RAD54L2: variants seen among roughly 807,000 people sequenced by gnomAD.
RAD54L2 encodes RAD54 like 2, also known as helicase ARIP4.
A neutral mutation model predicts 138.4 loss-of-function variants in RAD54L2; 27 were observed. The observed-to-expected ratio is 0.20, with a 90% CI of 0.14 to 0.27. RAD54L2 has a LOEUF of 0.27. Among genes scored for constraint, RAD54L2 ranks in the 10% least tolerant of loss-of-function variants. RAD54L2 has a pLI of 1.00. For missense variants in RAD54L2, 1,396 were observed against 1,890.2 expected, an observed-to-expected ratio of 0.74 and a Z score of 4.85; for synonymous variants, 644 against 723.2, an observed-to-expected ratio of 0.89 and a Z score of 1.76.
In RAD54L2 at chr3:51,637,389, T is replaced by C. The variant is rs1701009006; in HGVS notation, c.1568T>C (p.Met523Thr). ...GGCACCCGGCAGGAGTTCAGCAACA[T>C]GTTTGAACGCCCTATCCTGAATGGG... ...FLGTRQEFSN[M>T]FERPILNGQC... The change falls in exon 11 of 23, where the codon ATG becomes ACG. Residue 523 changes from methionine (M) to threonine (T), a missense_variant. Transcript: ENST00000684192. The surrounding 1 kb of genome is among the most constrained non-coding windows in gnomAD (Gnocchi z 5.9). 12 of 1,613,688 alleles carry C rather than the reference T, an allele frequency of 7.4e-6. No individual in the cohort carries two copies. Among genetic ancestry groups the C allele is most frequent in the Non-Finnish European group, 9.3e-6 (11 of 1,179,838 alleles).
At position 51,635,651 on chromosome 3, in the gene RAD54L2, C is replaced by T; in HGVS notation, c.1201C>T (p.Leu401=). Residue 401 remains leucine (L), a synonymous_variant, in exon 10 of 23, where the codon CTG becomes TTG. Transcript: ENST00000684192. ...TTGGGTGTCAGAGGGTGGCGTGCTG[C>T]TGATGGGGTACGAGATGTACAGACT... ...ADWVSEGGVL[L]MGYEMYRLLT... is the part of the protein sequence containing the mutation. 6.2e-7 allele frequency: 1 copy of T among 1,613,610 alleles called. No individual in the cohort carries two copies. The highest frequency in any genetic ancestry group is 8.5e-7 in the Non-Finnish European group (1 of 1,179,738).
intron 2 of RAD54L2, among the ~76,000 whole-genome samples, chr3:51,575,614 T>C (rs1283826633): frequency 1.3e-5 from 2 of 152,204 alleles, no homozygotes; most frequent in Non-Finnish European, 2.9e-5. Context: ...GTAGCAATTG[T>C]GAATGGGAGT....
chr3:51,599,524 G>GA (rs35574709), intron 3 of RAD54L2, among the ~76,000 whole-genome samples: 4 of 151,160 alleles, frequency 2.6e-5, no homozygotes, highest in East Asian at 1.9e-4. Flanking sequence ...GGAAAAATGT[G>GA]AAAAAAAATA....
At chr3:51,590,234 A>AC in intron 2 of RAD54L2, 133 bp from the exon 3 acceptor site, 1 of 552,670 alleles carries the variant, frequency 1.8e-6, no homozygotes, top group Non-Finnish European at 3.0e-6. Flanking sequence ...CAAGTGATCC[A>AC]CCCACCTTGA....
intron 3 of RAD54L2, among the ~76,000 whole-genome samples, chr3:51,620,245 C>A (rs1436973063): frequency 2.7e-5 from 4 of 149,154 alleles, no homozygotes; most frequent in Non-Finnish European, 5.9e-5. Flanking sequence ...GCCTGCACCA[C>A]TATGCTCAGC....
At chr3:51,563,928 G>T (rs1003405944) in intron 2 of RAD54L2, among the ~76,000 whole-genome samples, 1 of 152,174 alleles carries the variant, frequency 6.6e-6, no homozygotes, top group Non-Finnish European at 1.5e-5. Context: ...GTGGTTATTT[G>T]TAAATCTTTT....
intron 20 of RAD54L2, among the ~76,000 whole-genome samples, chr3:51,656,754 TA>T (rs1365557535): frequency 1.2e-4 from 19 of 152,116 alleles, no homozygotes; most frequent in South Asian, 2.1e-4. Context: ...AATTGATTAT[TA>T]TTTTTTTTTT....
intron 2 of RAD54L2, among the ~76,000 whole-genome samples, chr3:51,566,080 G>A (rs1056918219): frequency 1.2e-4 from 19 of 152,050 alleles, no homozygotes; most frequent in Middle Eastern, 3.4e-3. Context: ...TGCCCGCCTC[G>A]GCCTCCCAAA....
At chr3:51,643,034 T>C (rs1279499044) in intron 15 of RAD54L2, among the ~76,000 whole-genome samples, 1 of 147,284 alleles carries the variant, frequency 6.8e-6, no homozygotes, top group African/African-American at 2.5e-5. Flanking sequence ...CTGAAGTCTT[T>C]TTTTTTTTTT....
chr3:51,595,517 T>G (rs146725717), intron 3 of RAD54L2, among the ~76,000 whole-genome samples: 1 of 152,278 alleles, frequency 6.6e-6, no homozygotes, highest in Non-Finnish European at 1.5e-5. Flanking sequence ...TTGGCTTTGG[T>G]ACAATAAGTC....
chr3:51,577,701 G>C (rs1240676483), intron 2 of RAD54L2, among the ~76,000 whole-genome samples: 1 of 152,120 alleles, frequency 6.6e-6, no homozygotes. Context: ...TTGCTTGGTA[G>C]ATCTTCCTCC....
intron 19 of RAD54L2, 82 bp from the exon 20 acceptor site, chr3:51,655,889 G>A: frequency 8.0e-7 from 1 of 1,256,298 alleles, no homozygotes; most frequent in Non-Finnish European, 1.1e-6. Context: ...GAATGGGGCA[G>A]CCTAGAAAGG....
At chr3:51,557,511 A>G (rs1003968669) in intron 2 of RAD54L2, among the ~76,000 whole-genome samples, 3 of 151,914 alleles carry the variant, frequency 2.0e-5, no homozygotes, top group Admixed American at 1.3e-4. Context: ...AGCTAGATCT[A>G]GACATTGACA....
chr3:51,648,850 C>A (rs1701354676), intron 19 of RAD54L2, among the ~76,000 whole-genome samples: 1 of 152,092 alleles, frequency 6.6e-6, no homozygotes, highest in Non-Finnish European at 1.5e-5. Context: ...GGGGAGAAAC[C>A]AGAGCAGAAA....
Position 51,606,945 on chromosome 3 carries a change from GTGC to G in RAD54L2, c.139+16389_139+16391del, listed in dbSNP as rs1577419670. Among the ~76,000 whole-genome samples the G allele has an allele frequency of 2.6e-5, 4 of 151,644 alleles. No homozygotes were observed. The East Asian group carries it at 7.8e-4, about 29-fold the overall frequency. On this transcript the variant is annotated intron_variant, in intron 3 of 22. Transcript: ENST00000684192. ...GATTCCCCCACCTTGGCATCCCAAA[GTGC>G]TGGGATTACAGGCATGAGCCACCGT...
At chr3:51,600,828 G>A (rs1420330275) in intron 3 of RAD54L2, among the ~76,000 whole-genome samples, 1 of 152,032 alleles carries the variant, frequency 6.6e-6, no homozygotes, top group African/African-American at 2.4e-5. Context: ...TTAGCCGAGT[G>A]TGGTGGCATG....
chr3:51,630,935 C>G lies in RAD54L2; in HGVS notation c.825+4C>G. On this transcript the variant is annotated splice_donor_region_variant and intron_variant, in intron 7 of 22. Transcript: ENST00000684192. ...ACGGGCTGTGAAACCTCATCAGGTA[C>G]AGCAAACCTTGACTGTTTTCTCCTT... The G allele has an allele frequency of 6.2e-7, 1 of 1,601,874 alleles. No individual in the cohort carries two copies. The highest frequency in any genetic ancestry group is 1.3e-5 in the African/African-American group (1 of 74,730).
intron 3 of RAD54L2, among the ~76,000 whole-genome samples, chr3:51,604,649 A>G (rs1266218301): frequency 1.3e-5 from 2 of 152,200 alleles, no homozygotes; most frequent in Admixed American, 6.5e-5. Context: ...TGATGACTGA[A>G]TTAGTTTATG....
chr3:51,633,937 CA>C lies in RAD54L2; in HGVS notation c.1045del (p.Met349CysfsTer28). On this transcript the variant is annotated frameshift_variant, in exon 9 of 23. Coordinates refer to ENST00000684192, the MANE Select transcript of RAD54L2 (RefSeq NM_015106.4). LOFTEE classifies it high-confidence loss of function. The stretch of plus-strand genomic sequence containing the variant: ...TTCAGAATTGGCTGGCAGAGTTCAA[CA>C]TGTGGCTTCCACCTCCTGAAGCCCT... ...TLQNWLAEFN[M>X]WLPPPEALPA... 1 of 1,613,956 alleles carries C rather than the reference CA, an allele frequency of 6.2e-7. No individual in the cohort carries two copies. The highest frequency in any genetic ancestry group is 1.1e-5 in the South Asian group (1 of 91,078).
Sources: gnomAD v4.1 joint callset for allele counts (sites outside exome capture counted in the v4.1 genomes callset) on GRCh38, gnomAD v4.1.1 for gene constraint, Gnocchi (gnomAD v3.1) non-coding constraint, MANE v1.5 for transcripts, NCBI Gene and HGNC (gene_info 2026-07-23, HGNC 2026-07-21) for gene names.